The following SMURF2 variants were observed in gnomAD, a reference collection of about 807,000 sequenced individuals.
SMURF2 encodes the protein SMAD specific E3 ubiquitin protein ligase 2, also known as E3 ubiquitin-protein ligase SMURF2.
Under a neutral mutation model 109.6 loss-of-function variants are expected in SMURF2, and 48 were observed. The ratio of observed to expected loss-of-function variants is 0.44; its 90% CI spans 0.35 to 0.56. The LOEUF (loss-of-function observed/expected upper bound fraction) is 0.56. SMURF2 is among the 20% of genes least tolerant of loss of function. SMURF2 has a pLI of 0.01. For synonymous variants in SMURF2, 288 were observed against 317.1 expected (o/e 0.91, Z 0.97); for missense variants, 575 against 909.0 (o/e 0.63, Z 4.72).
chr17:64,642,067 G>A (rs893508734), intron 1 of SMURF2, among the ~76,000 whole-genome samples: 8 of 152,142 alleles, frequency 5.3e-5, no homozygotes, highest in African/African-American at 2.4e-5. Context: ...TCAGCCTCCC[G>A]AAGTGCTGGG....
chr17:64,650,094 C>G (rs1007303892), intron 1 of SMURF2, among the ~76,000 whole-genome samples: 1 of 151,712 alleles, frequency 6.6e-6, no homozygotes, highest in Non-Finnish European at 1.5e-5. Flanking sequence ...TTCTTTAAAA[C>G]AAAATCCGTG....
chr17:64,645,524 G>A (rs1379360684), intron 1 of SMURF2, among the ~76,000 whole-genome samples: 1 of 152,120 alleles, frequency 6.6e-6, no homozygotes, highest in Non-Finnish European at 1.5e-5. Context: ...GTGAACACTA[G>A]TACACATCAG....
chr17:64,546,090 G>A, intron 18 of SMURF2, 143 bp from the exon 19 acceptor site: 1 of 877,956 alleles, frequency 1.1e-6, no homozygotes, highest in East Asian at 2.6e-5. Flanking sequence ...GACCACTTTT[G>A]GGTTTTCCTA....
chr17:64,650,018 T>C (rs1487552815), intron 1 of SMURF2, among the ~76,000 whole-genome samples: 1 of 152,128 alleles, frequency 6.6e-6, no homozygotes, highest in African/African-American at 2.4e-5. Context: ...ATCATTTAAA[T>C]AAATATATAT....
At chr17:64,615,606 T>TC (rs1242526998) in intron 1 of SMURF2, among the ~76,000 whole-genome samples, 1 of 152,190 alleles carries the variant, frequency 6.6e-6, no homozygotes, top group East Asian at 1.9e-4. Flanking sequence ...ACAGAAAACT[T>TC]CTACACAATT....
intron 9 of SMURF2, among the ~76,000 whole-genome samples, chr17:64,573,276 G>GGGA (rs1382046518): frequency 1.5e-5 from 1 of 67,268 alleles, no homozygotes; most frequent in African/African-American, 6.1e-5. Context: ...GAGGAGGAGG[G>GGGA]GGAGGAGGAG....
Position 64,590,629 on chromosome 17 carries a change from G to A in SMURF2, c.400+455C>T, listed in dbSNP as rs147475946. Among the ~76,000 whole-genome samples the A allele has an allele frequency of 4.0e-3, 616 of 152,222 alleles. 4 individuals carry two copies. The highest frequency in any genetic ancestry group is 0.017 in the South Asian group (80 of 4,818). On this transcript the variant is annotated intron_variant, in intron 5 of 18. Coordinates refer to ENST00000262435, the MANE Select transcript of SMURF2 (RefSeq NM_022739.4). ...GGCTACTAAGTGCCTCATGAGTAAG[G>A]TAACAATTTCTCCCTTTTTCCAGTG...
chr17:64,650,024 T>C (rs1223310364), intron 1 of SMURF2, among the ~76,000 whole-genome samples: 3 of 152,124 alleles, frequency 2.0e-5, no homozygotes, highest in Admixed American at 6.6e-5. Context: ...TAAATAAATA[T>C]ATATTAATCA....
chr17:64,583,586 T>C, intron 6 of SMURF2, 42 bp from the exon 7 acceptor site: 1 of 1,477,304 alleles, frequency 6.8e-7, no homozygotes, highest in Non-Finnish European at 9.5e-7. Context: ...AATAGGAAAC[T>C]TGGACACAGT....
In SMURF2 at chr17:64,555,813, T is replaced by C; in HGVS notation, c.1610+7A>G. 6.3e-7 allele frequency: 1 copy of C among 1,592,376 alleles called. No individual in the cohort carries two copies. The highest frequency in any genetic ancestry group is 8.6e-7 in the Non-Finnish European group (1 of 1,164,724). ...TATAATGAAGAGATAGAAGACTCAA[T>C]ACATACAGTATCCACACTAAACTGT... On this transcript the variant is annotated splice_region_variant and intron_variant, in intron 14 of 18. Transcript: ENST00000262435.
intron 1 of SMURF2, among the ~76,000 whole-genome samples, chr17:64,608,143 A>T (rs1555689227): frequency 6.6e-6 from 1 of 152,072 alleles, no homozygotes; most frequent in African/African-American, 2.4e-5. Flanking sequence ...TTTAGTTCAT[A>T]AAATACCTAT....
Position 64,562,961 on chromosome 17 carries a change from T to G in SMURF2, c.1022A>C (p.Gln341Pro). 1 of 1,612,222 alleles carries G rather than the reference T, an allele frequency of 6.2e-7. No individual in the cohort carries two copies. The highest frequency in any genetic ancestry group is 1.1e-5 in the South Asian group (1 of 90,672). ...SANLHLVLNR[Q>P]NQLKDQQQQQ... ...TTGCTGTTGGTCTTTCAATTGGTTC[T>G]GCCGACTAGAAGTAAACATAGATGT... is the stretch of plus-strand genomic sequence containing the variant. Residue 341 changes from glutamine to proline, a missense_variant, in exon 11 of 19, where the codon CAG becomes CCG. Coordinates refer to ENST00000262435, the MANE Select transcript of SMURF2 (RefSeq NM_022739.4).
At chr17:64,594,947 G>A (rs1210589593) in intron 3 of SMURF2, among the ~76,000 whole-genome samples, 2 of 151,930 alleles carry the variant, frequency 1.3e-5, no homozygotes, top group South Asian at 2.1e-4. Flanking sequence ...CCTAGATTGC[G>A]TCACTGCACT....
rs1555683284 is a variant in SMURF2, at chr17:64,547,805, T to C, written c.1870-4A>G. The C allele has an allele frequency of 1.2e-6, 2 of 1,613,898 alleles. No individual in the cohort carries two copies. The highest frequency in any genetic ancestry group is 1.7e-6 in the Non-Finnish European group (2 of 1,179,824). Reference sequence around the variant, plus strand: ...TTCCAAGTCCACAAATAATGAGCTGTGAAAATAGTACACAGTAATGAACCT... The same window carrying C: ...TTCCAAGTCCACAAATAATGAGCTGCGAAAATAGTACACAGTAATGAACCT... On this transcript the variant is annotated splice_region_variant and splice_polypyrimidine_tract_variant and intron_variant, in intron 16 of 18. Coordinates refer to ENST00000262435, the MANE Select transcript of SMURF2 (RefSeq NM_022739.4). This position sits in a 1 kb window ranked among gnomAD's most constrained non-coding sequence, Gnocchi z 4.2.
At chr17:64,625,467 A>G (rs1970255175) in intron 1 of SMURF2, among the ~76,000 whole-genome samples, 1 of 152,252 alleles carries the variant, frequency 6.6e-6, no homozygotes, top group Admixed American at 6.5e-5. Flanking sequence ...TGCTATGCAG[A>G]TAAGAACACA....
chr17:64,589,606 T>C (rs782134060), intron 5 of SMURF2, among the ~76,000 whole-genome samples: 10 of 151,774 alleles, frequency 6.6e-5, no homozygotes, highest in Non-Finnish European at 1.5e-4. Context: ...GTGGCGACAT[T>C]AGATTCTCAT....
intron 1 of SMURF2, among the ~76,000 whole-genome samples, chr17:64,613,726 G>GTGTGTGTA (rs1970080088): frequency 1.4e-5 from 2 of 146,356 alleles, no homozygotes; most frequent in African/African-American, 5.1e-5. Context: ...GTGTGTGTGT[G>GTGTGTGTA]TGTGTGTGTG....
chr17:64,611,070 A>T (rs1555689532), intron 1 of SMURF2, among the ~76,000 whole-genome samples: 1 of 152,182 alleles, frequency 6.6e-6, no homozygotes, highest in East Asian at 1.9e-4. Context: ...TCTTTGCCAG[A>T]TCTTGCTGTG....
At chr17:64,652,591 G>A (rs1970654745) in intron 1 of SMURF2, among the ~76,000 whole-genome samples, 1 of 152,168 alleles carries the variant, frequency 6.6e-6, no homozygotes, top group Non-Finnish European at 1.5e-5. Context: ...GGGTTCAAGT[G>A]ATTCTCTTGC....
Sources: allele counts gnomAD v4.1 joint callset (sites outside exome capture counted in the v4.1 genomes callset), GRCh38; gene constraint gnomAD v4.1.1; non-coding constraint Gnocchi (gnomAD v3.1); transcripts MANE v1.5; gene names NCBI Gene and HGNC (gene_info 2026-07-23, HGNC 2026-07-21).